Variants in NEDD4L observed in about 807,000 individuals in gnomAD.
NEDD4L encodes E3 ubiquitin-protein ligase NEDD4-like.
A neutral mutation model predicts 148.9 loss-of-function variants in NEDD4L; 54 were observed. The observed-to-expected ratio is 0.36, with a 90% CI of 0.29 to 0.45. The LOEUF is 0.45. Ranked by LOEUF, NEDD4L falls within the 20% of genes least tolerant of loss-of-function variation. The pLI, the probability that NEDD4L is intolerant of heterozygous loss-of-function variation, is 1.00. For synonymous variants in NEDD4L, 433 were observed against 440.7 expected, an observed-to-expected ratio of 0.98 and a Z score of 0.22; for missense variants, 856 against 1,233.8, an observed-to-expected ratio of 0.69 and a Z score of 4.59.
At chr18:58,172,361 C>T (rs1356737446) in intron 2 of NEDD4L, among the ~76,000 whole-genome samples, 2 of 152,100 alleles carry the variant, frequency 1.3e-5, no homozygotes, top group East Asian at 3.9e-4. Flanking sequence ...TGGTGTTTGG[C>T]CATGGTGAAG....
intron 9 of NEDD4L, among the ~76,000 whole-genome samples, chr18:58,327,671 G>C (rs939226478): frequency 1.3e-4 from 20 of 152,210 alleles, no homozygotes; most frequent in Admixed American, 1.3e-3. Flanking sequence ...TTCAGAATGT[G>C]TGAGAAAACT....
intron 2 of NEDD4L, among the ~76,000 whole-genome samples, chr18:58,220,288 C>T (rs1222623847): frequency 2.6e-5 from 4 of 152,120 alleles, no homozygotes; most frequent in Non-Finnish European, 5.9e-5. Flanking sequence ...CACCTGTGGT[C>T]CCAGCTATTC....
intron 3 of NEDD4L, 134 bp downstream of exon 3, chr18:58,245,642 G>C (rs1176295218): frequency 4.5e-6 from 2 of 446,906 alleles, no homozygotes; most frequent in Non-Finnish European, 8.2e-6. Context: ...GATTATAATG[G>C]AGCTGCCATA....
chr18:58,048,602 C>G (rs1420399277), intron 1 of NEDD4L, among the ~76,000 whole-genome samples: 1 of 152,216 alleles, frequency 6.6e-6, no homozygotes, highest in African/African-American at 2.4e-5. Flanking sequence ...AAAGGTCTTA[C>G]TATCTAGATT....
chr18:58,234,050 T>TTTCCTTCGTTCG (rs201168566), intron 2 of NEDD4L, among the ~76,000 whole-genome samples: 1 of 89,154 alleles, frequency 1.1e-5, no homozygotes, highest in Non-Finnish European at 2.2e-5. Flanking sequence ...TTTCCTTTTC[T>TTTCCTTCGTTCG]TTCTTTCTTT....
At chr18:58,294,074 A>G (rs1789048825) in intron 5 of NEDD4L, among the ~76,000 whole-genome samples, 1 of 152,216 alleles carries the variant, frequency 6.6e-6, no homozygotes, top group African/African-American at 2.4e-5. Flanking sequence ...CTTTGGTGCC[A>G]TGAACACCTA....
intron 19 of NEDD4L, among the ~76,000 whole-genome samples, chr18:58,360,313 G>A (rs1258377689): frequency 6.6e-6 from 1 of 152,130 alleles, no homozygotes; most frequent in African/African-American, 2.4e-5. Context: ...CTAAGTATCT[G>A]TTTCTGTAAC....
chr18:58,295,568 T>C (rs1329748237), intron 5 of NEDD4L, among the ~76,000 whole-genome samples: 1 of 152,208 alleles, frequency 6.6e-6, no homozygotes, highest in Non-Finnish European at 1.5e-5. Flanking sequence ...TGCTATGAGC[T>C]TTTTAAAAAA....
At chr18:58,115,012 C>T (rs1034565923) in intron 1 of NEDD4L, among the ~76,000 whole-genome samples, 1 of 152,152 alleles carries the variant, frequency 6.6e-6, no homozygotes, top group Non-Finnish European at 1.5e-5. Flanking sequence ...ATTCCATCTG[C>T]AGCCTTAATC....
chr18:58,089,841 CTTT>C (rs759472299), intron 1 of NEDD4L, among the ~76,000 whole-genome samples: 5 of 137,884 alleles, frequency 3.6e-5, no homozygotes, highest in Non-Finnish European at 4.7e-5. Flanking sequence ...CTTCCTTTTC[CTTT>C]TTTTTTTTTT....
At chr18:58,380,858 A>G (rs2048250283) in intron 24 of NEDD4L, among the ~76,000 whole-genome samples, 1 of 152,212 alleles carries the variant, frequency 6.6e-6, no homozygotes, top group South Asian at 2.1e-4. Context: ...AACAGAAAAC[A>G]GTTTTCAAAT....
At chr18:58,114,876 TCTC>T (rs1209677684) in intron 1 of NEDD4L, among the ~76,000 whole-genome samples, 1 of 152,184 alleles carries the variant, frequency 6.6e-6, no homozygotes, top group African/African-American at 2.4e-5. Flanking sequence ...CATGGTCACA[TCTC>T]CTCCTGGGAT....
intron 26 of NEDD4L, 130 bp downstream of exon 26, chr18:58,385,716 A>G: frequency 1.4e-6 from 1 of 740,348 alleles, no homozygotes; most frequent in East Asian, 2.6e-5. Flanking sequence ...CCCTGCAGGA[A>G]GACCGGGATC....
chr18:58,283,457 G>A (rs766314065), intron 5 of NEDD4L, among the ~76,000 whole-genome samples: 14 of 152,142 alleles, frequency 9.2e-5, no homozygotes, highest in Admixed American at 3.9e-4. Flanking sequence ...AGCAAGTCAC[G>A]TGGCCATGCC....
chr18:58,166,975 T>G (rs6566940), intron 2 of NEDD4L, among the ~76,000 whole-genome samples: 1 of 152,220 alleles, frequency 6.6e-6, no homozygotes, highest in Admixed American at 6.5e-5. Flanking sequence ...CACCTGTGAT[T>G]GATCATGCAT....
chr18:58,393,006 A>G (rs936714211), intron 30 of NEDD4L, among the ~76,000 whole-genome samples: 2 of 152,144 alleles, frequency 1.3e-5, no homozygotes, highest in Non-Finnish European at 2.9e-5. Context: ...AGATCACAGG[A>G]TTTGAACTCA....
chr18:58,390,718 A>G lies in NEDD4L; in HGVS notation c.2728A>G (p.Met910Val), dbSNP rs1261299378. 3.8e-6 allele frequency: 6 copies of G among 1,598,312 alleles called. No homozygotes were observed. The Admixed American group carries it at 5.2e-5, about 14-fold the overall frequency. Residue 910 changes from methionine to valine, a missense_variant, in exon 29 of 31, where the codon ATG becomes GTG. Met to Val is a conservative substitution (Grantham distance 21, BLOSUM62 1). Coordinates refer to ENST00000400345, the MANE Select transcript of NEDD4L (RefSeq NM_001144967.3). Reference sequence around the variant, plus strand: ...TGTCACAGGGACATCGCGAGTACCTATGAATGGATTTGCCGAACTTTATGG... The same window carrying G: ...TGTCACAGGGACATCGCGAGTACCTGTGAATGGATTTGCCGAACTTTATGG... ...QFVTGTSRVP[M>V]NGFAELYGSN... is the part of the protein sequence containing the mutation.
chr18:58,120,809 T>A (rs1228652760), intron 1 of NEDD4L, among the ~76,000 whole-genome samples: 1 of 152,068 alleles, frequency 6.6e-6, no homozygotes, highest in Admixed American at 6.5e-5. Flanking sequence ...CCTTTCTACC[T>A]TCAAATTCAG....
At chr18:58,135,180 T>G (rs1156232845) in intron 1 of NEDD4L, among the ~76,000 whole-genome samples, 1 of 152,108 alleles carries the variant, frequency 6.6e-6, no homozygotes, top group African/African-American at 2.4e-5. Flanking sequence ...GTGGAAGTCC[T>G]GAAACAGTAC....
Sources: gnomAD v4.1 joint callset for allele counts (sites outside exome capture counted in the v4.1 genomes callset) on GRCh38, gnomAD v4.1.1 for gene constraint, MANE v1.5 for transcripts, NCBI Gene and HGNC (gene_info 2026-07-23, HGNC 2026-07-21) for gene names.